The following SMARCA2 variants were observed in gnomAD, a reference collection of about 807,000 sequenced individuals.
SMARCA2 encodes SWI/SNF-related matrix-associated actin-dependent regulator of chromatin subfamily A member 2.
In SMARCA2, 61 loss-of-function variants were observed where a neutral mutation model predicts 199.8. The ratio of observed to expected loss-of-function variants is 0.31; its 90% CI spans 0.25 to 0.38. SMARCA2 has a LOEUF of 0.38. Among genes scored for constraint, SMARCA2 ranks in the 10% least tolerant of loss-of-function variants. SMARCA2 has a pLI of 1.00. For synonymous variants in SMARCA2, 935 were observed against 732.0 expected (o/e 1.28, Z -4.48); for missense variants, 1,344 against 2,012.2 (o/e 0.67, Z 6.35).
intron 8 of SMARCA2, among the ~76,000 whole-genome samples, chr9:2,058,859 G>A (rs55641753): frequency 1.3e-5 from 2 of 152,274 alleles, no homozygotes; most frequent in African/African-American, 4.8e-5. Context: ...AACACATTAA[G>A]TCGTGTCTTC....
At position 2,033,320 on chromosome 9, in the gene SMARCA2, C is replaced by A. The variant is rs1819159343; in HGVS notation, c.355+239C>A. 5 of 442,370 alleles carry A rather than the reference C, an allele frequency of 1.1e-5. No individual in the cohort carries two copies. In the East Asian group the frequency reaches 2.0e-4, roughly 17 times the overall value. The allele number at this position is 442,370 out of a possible 1,614,324, so 27.4% of individuals were successfully genotyped here. On this transcript the variant is annotated intron_variant, in intron 3 of 33. Transcript: ENST00000349721. ...AGCCACCATGTGTCCAAGCAGTCTG[C>A]AAAGAGCTCTATGTACTTTATCTAG...
In SMARCA2 at chr9:2,047,425, C is replaced by A; in HGVS notation, c.987C>A (p.Ser329Arg). 6.3e-7 allele frequency: 1 copy of A among 1,587,078 alleles called. No individual in the cohort carries two copies. The highest frequency in any genetic ancestry group is 1.8e-5 in the Admixed American group (1 of 55,906). ...LQLQQKQSRISPIQKPQGLDP... is the reference protein window; with the variant it reads ...LQLQQKQSRIRPIQKPQGLDP... ...TGCAGCAGAAGCAGAGCCGCATCAG[C>A]CCCATCCAGAAACCGCAAGGCCTGG... The change falls in exon 5 of 34, where the codon AGC (serine) becomes AGA (arginine). Residue 329 changes from serine to arginine, a missense_variant. Physicochemically the swap from Ser to Arg is moderately radical, Grantham distance 110. Coordinates refer to ENST00000349721, the MANE Select transcript of SMARCA2 (RefSeq NM_003070.5).
intron 2 of SMARCA2, among the ~76,000 whole-genome samples, chr9:2,030,184 T>C (rs146597522): frequency 6.6e-6 from 1 of 152,210 alleles, no homozygotes; most frequent in Non-Finnish European, 1.5e-5. Context: ...ACGGAACCAA[T>C]AGGAGATAGA....
intron 9 of SMARCA2, among the ~76,000 whole-genome samples, chr9:2,067,279 T>A (rs1364137851): frequency 6.6e-6 from 1 of 152,260 alleles, no homozygotes; most frequent in Admixed American, 6.5e-5. Context: ...AAAGCATTGT[T>A]CTTTGTGCTT....
rs1468195074 is a variant in SMARCA2, at chr9:2,039,361, T to A, written c.356-105T>A. The A allele has an allele frequency of 1.1e-5, 11 of 1,036,016 alleles. No individual in the cohort carries two copies. The East Asian group carries it at 2.5e-4, about 23-fold the overall frequency. The allele number at this position is 1,036,016 out of a possible 1,614,324, so 64.2% of individuals were successfully genotyped here. A position where few individuals can be genotyped will look rare whatever the true frequency, so the allele number is the denominator to read the frequency against. On this transcript the variant is annotated intron_variant, in intron 3 of 33. Coordinates refer to ENST00000349721, the MANE Select transcript of SMARCA2 (RefSeq NM_003070.5). This position sits in a 1 kb window ranked among gnomAD's most constrained non-coding sequence, Gnocchi z 4.8. Reference sequence around the variant, plus strand: ...TAATAAATGATATGTCATTCAAATTTCTGTCAGACAGTGTTGCTGTGGACA... The same window carrying A: ...TAATAAATGATATGTCATTCAAATTACTGTCAGACAGTGTTGCTGTGGACA...
At chr9:2,159,848 G>A in intron 27 of SMARCA2, 1 of 1,612,012 alleles carries the variant, frequency 6.2e-7, no homozygotes, top group Non-Finnish European at 8.5e-7. Flanking sequence ...TGCTTTGCTG[G>A]CTTGTTAATT....
At chr9:2,030,217 T>C (rs559071426) in intron 2 of SMARCA2, among the ~76,000 whole-genome samples, 1 of 152,258 alleles carries the variant, frequency 6.6e-6, no homozygotes, top group African/African-American at 2.4e-5. Context: ...AAGAGACTTA[T>C]TATGAGGAAT....
chr9:2,104,558 T>C lies in SMARCA2; in HGVS notation c.3292+389T>C, dbSNP rs2130558044. Among the ~76,000 whole-genome samples the C allele has an allele frequency of 6.6e-6, 1 of 152,372 alleles. No individual in the cohort carries two copies. The highest frequency in any genetic ancestry group is 3.4e-3 in the Middle Eastern group (1 of 294). On this transcript the variant is annotated intron_variant, in intron 23 of 33. Transcript: ENST00000349721. This position sits in a 1 kb window ranked among gnomAD's most constrained non-coding sequence, Gnocchi z 4.0. ...GCATATTTTAAGGGGATAAAGGCTA[T>C]GTCACTTTTCTTTGTAACAATACAA...
At chr9:2,060,481 A>G (rs965791404) in intron 8 of SMARCA2, among the ~76,000 whole-genome samples, 4 of 152,252 alleles carry the variant, frequency 2.6e-5, no homozygotes, top group Admixed American at 2.6e-4. Context: ...GATAAAGTTT[A>G]GATCATGAAT....
At chr9:2,179,129 C>A (rs865797997) in intron 29 of SMARCA2, among the ~76,000 whole-genome samples, 14 of 152,138 alleles carry the variant, frequency 9.2e-5, no homozygotes, top group East Asian at 5.8e-4. Flanking sequence ...CTAGGTCAGG[C>A]CTGGAGACCT....
intron 25 of SMARCA2, among the ~76,000 whole-genome samples, chr9:2,116,439 CCTCT>C (rs138347247): frequency 0.02 from 3,077 of 152,260 alleles, 89 homozygotes; most frequent in African/African-American, 0.07. Context: ...CCTCCAGAGC[CCTCT>C]CTCTCTTTTG....
intron 4 of SMARCA2, chr9:2,045,315 A>T (rs984914930): frequency 1.3e-5 from 2 of 152,186 alleles, no homozygotes; most frequent in African/African-American, 4.8e-5. Context: ...CAGCTTCTTG[A>T]GCTTCTTAAG....
chr9:2,175,277 C>G (rs560064972), intron 29 of SMARCA2, among the ~76,000 whole-genome samples: 2 of 151,924 alleles, frequency 1.3e-5, no homozygotes. Flanking sequence ...CAAATCTACT[C>G]AAAAACATTT....
intron 4 of SMARCA2, among the ~76,000 whole-genome samples, chr9:2,046,354 A>G (rs1210980599): frequency 1.3e-5 from 2 of 152,236 alleles, no homozygotes; most frequent in Non-Finnish European, 2.9e-5. Context: ...CACTTTGACA[A>G]GCTTTCAGAT....
At chr9:2,112,219 C>G (rs937862629) in intron 24 of SMARCA2, among the ~76,000 whole-genome samples, 10 of 152,150 alleles carry the variant, frequency 6.6e-5, no homozygotes, top group African/African-American at 2.4e-4. Flanking sequence ...TGACTCCTCT[C>G]CTCCTGGTGT....
chr9:2,154,902 G>T (rs561628304), intron 27 of SMARCA2, among the ~76,000 whole-genome samples: 2 of 152,140 alleles, frequency 1.3e-5, no homozygotes, highest in Admixed American at 1.3e-4. Context: ...ACAGACAAGC[G>T]GATGGAGTTC....
rs142546322 is a variant in SMARCA2 at position 2,118,157 on chromosome 9, C to T, written c.3685-1301C>T. ...GGTTCTAGGAAGAAAGTAGGCGAAG[C>T]GGGACATCTGTTCACCAGAGGAGAC... On this transcript the variant is annotated intron_variant, in intron 25 of 33. Coordinates refer to ENST00000349721, the MANE Select transcript of SMARCA2 (RefSeq NM_003070.5). Among the ~76,000 whole-genome samples the T allele has an allele frequency of 2.8e-3, 431 of 152,200 alleles. 3 individuals carry two copies. The highest frequency in any genetic ancestry group is 0.021 in the South Asian group (102 of 4,816).
chr9:2,157,284 G>C (rs1231521200), intron 27 of SMARCA2, among the ~76,000 whole-genome samples: 1 of 152,174 alleles, frequency 6.6e-6, no homozygotes, highest in African/African-American at 2.4e-5. Flanking sequence ...AGCAGGGCAC[G>C]AGGGAGGTTT....
intron 27 of SMARCA2, among the ~76,000 whole-genome samples, chr9:2,129,043 C>T (rs893426839): frequency 6.6e-6 from 1 of 152,190 alleles, no homozygotes; most frequent in Non-Finnish European, 1.5e-5. Context: ...ACCCTTTAGG[C>T]TTGATAATTT....
Sources: allele counts gnomAD v4.1 joint callset (sites outside exome capture counted in the v4.1 genomes callset), GRCh38; gene constraint gnomAD v4.1.1; non-coding constraint Gnocchi (gnomAD v3.1); transcripts MANE v1.5; gene names NCBI Gene and HGNC (gene_info 2026-07-23, HGNC 2026-07-21).